Variants in ARMC5 observed in about 807,000 individuals in gnomAD.
ARMC5 encodes the protein armadillo repeat-containing protein 5.
A neutral mutation model predicts 60.5 loss-of-function variants in ARMC5; 28 were observed. The observed-to-expected ratio is 0.46, with a 90% confidence interval of 0.34 to 0.63. The LOEUF (loss-of-function observed/expected upper bound fraction) is 0.63. ARMC5 is among the 30% of genes least tolerant of loss of function. The pLI, the probability that ARMC5 is intolerant of heterozygous loss-of-function variation, is 0.01. For missense variants in ARMC5, 1,189 were observed against 1,304.9 expected (o/e 0.91, Z 1.37); for synonymous variants, 680 against 607.3 (o/e 1.12, Z -1.76).
upstream of ARMC5, chr16:31,458,507 G>C (rs1481569493): frequency 6.5e-7 from 1 of 1,535,698 alleles, no homozygotes; most frequent in East Asian, 2.4e-5. Context: ...CAACGGTAAG[G>C]CTTGTCACCA....
rs537788230 is a variant in ARMC5 at position 31,464,292 on chromosome 16, TAAAAAAAAAAAAA to T, written c.1371-90_1371-78del. On this transcript the variant is annotated intron_variant, in intron 3 of 5. Coordinates refer to ENST00000268314, the MANE Select transcript of ARMC5 (RefSeq NM_001105247.2). This position sits in a 1 kb window ranked among gnomAD's most constrained non-coding sequence, Gnocchi z 7.6. ...GCTATAGAGGGATACCACATTTCTT[TAAAAAAAAAAAAA>T]AAAAAAAAAAAGACGCCTCACGCCT... is the stretch of plus-strand genomic sequence containing the variant. The T allele has an allele frequency of 2.5e-4, 123 of 499,418 alleles. 2 individuals carry two copies. The East Asian group carries it at 3.2e-3, about 13-fold the overall frequency. 30.9% of individuals were successfully genotyped at this position (499,418 alleles called of 1,614,324 possible).
rs1433843572 is a variant in ARMC5, at chr16:31,459,613, A to C, written c.89A>C (p.Glu30Ala). Residue 30 changes from glutamate to alanine, a missense_variant, in exon 1 of 6, where the codon GAA (glutamate) becomes GCA (alanine). Transcript: ENST00000268314. ...AAAAGEALGG[E>A]KDPATNETPL... Reference sequence around the variant, plus strand: ...GCGGCCGGGGAGGCTCTGGGTGGGGAAAAGGACCCAGCGACCAACGAGACA... The same window carrying C: ...GCGGCCGGGGAGGCTCTGGGTGGGGCAAAGGACCCAGCGACCAACGAGACA... The C allele has an allele frequency of 1.0e-5, 16 of 1,595,974 alleles. No homozygotes were observed. The highest frequency in any genetic ancestry group is 1.3e-5 in the African/African-American group (1 of 74,372).
intron 3 of ARMC5, 118 bp downstream of exon 3, chr16:31,463,035 C>A: frequency 9.1e-7 from 1 of 1,099,468 alleles, no homozygotes; most frequent in Non-Finnish European, 1.3e-6. Flanking sequence ...CTTTTATAAC[C>A]CAGACTCCTG....
At chr16:31,465,164 T>G (rs755510915) in intron 4 of ARMC5, 11 of 1,609,870 alleles carry the variant, frequency 6.8e-6, no homozygotes, top group South Asian at 1.1e-5. Context: ...GGTCTGTGCT[T>G]CTTTCCTGGC....
At position 31,459,828 on chromosome 16, in the gene ARMC5, A is replaced by T. The variant is rs1567373646; in HGVS notation, c.304A>T (p.Ser102Cys). The change falls in exon 1 of 6, where the codon AGC becomes TGC. Residue 102 changes from serine to cysteine, a missense_variant. Transcript: ENST00000268314. ...CTCGTCGGCCGCGTCGGGAGCTTCT[A>T]GCCCCGCCCCCGCGTCGGGCCCCGC... ...APSSAASGAS[S>C]PAPASGPAPS... 3 of 1,559,718 alleles carry T rather than the reference A, an allele frequency of 1.9e-6. No homozygotes were observed. Among genetic ancestry groups the T allele is most frequent in the Non-Finnish European group, 2.6e-6 (3 of 1,159,252 alleles).
chr16:31,459,728 C>CCCCCTACTCGCG lies in ARMC5; in HGVS notation c.206_217dup (p.Pro69_Ala72dup). The CCCCCTACTCGCG allele has an allele frequency of 6.4e-7, 1 of 1,556,070 alleles. No individual in the cohort carries two copies. Among genetic ancestry groups the CCCCCTACTCGCG allele is most frequent in the Non-Finnish European group, 8.6e-7 (1 of 1,162,002 alleles). On this transcript the variant is annotated inframe_insertion, in exon 1 of 6. Transcript: ENST00000268314. ...GCTTCCGGGCACGCGGCGGGCTCCG[C>CCCCCTACTCGCG]CCCCTACTCGCGCTGCTACGGCGAG...
In ARMC5 at chr16:31,459,650, C is replaced by T. The variant is rs1301682755; in HGVS notation, c.126C>T (p.Arg42=). 6.3e-7 allele frequency: 1 copy of T among 1,591,022 alleles called. No homozygotes were observed. The highest frequency in any genetic ancestry group is 8.5e-7 in the Non-Finnish European group (1 of 1,176,114). Residue 42 remains arginine, a synonymous_variant, in exon 1 of 6, where the codon CGC becomes CGT. Transcript: ENST00000268314. ...CGACCAACGAGACACCCCTGAGCCG[C>T]GCGCTCCTAGCCCTCCGCACGCGCC... ...DPATNETPLS[R]ALLALRTRHI... is the part of the protein sequence containing the mutation.
Position 31,466,054 on chromosome 16 carries a change from T to G in ARMC5, c.1998-25T>G. ...GTTTCCCAGGCCCGTTGCCCACCTT[T>G]TGAAAGGCCCTCTCTTCCCTGTAGG... On this transcript the variant is annotated intron_variant, in intron 5 of 5. Coordinates refer to ENST00000268314, the MANE Select transcript of ARMC5 (RefSeq NM_001105247.2). This position sits in a 1 kb window ranked among gnomAD's most constrained non-coding sequence, Gnocchi z 8.0. 2 of 1,592,158 alleles carry G rather than the reference T, an allele frequency of 1.3e-6. No homozygotes were observed. The highest frequency in any genetic ancestry group is 1.7e-6 in the Non-Finnish European group (2 of 1,175,530).
chr16:31,459,406 T>C (rs1305847628), upstream of ARMC5: 4 of 1,537,890 alleles, frequency 2.6e-6, no homozygotes, highest in Non-Finnish European at 3.5e-6. Flanking sequence ...CCGACTTGCA[T>C]CACTGCGGTG....
At chr16:31,458,478 G>T, upstream of ARMC5, 1 of 1,535,774 alleles carries the variant, frequency 6.5e-7, no homozygotes, top group African/African-American at 1.4e-5. Context: ...CACATCGGAA[G>T]CTTCTGCCAT....
At chr16:31,463,023 G>A (rs1315749503) in intron 3 of ARMC5, 106 bp downstream of exon 3, 2 of 1,211,586 alleles carry the variant, frequency 1.7e-6, no homozygotes, top group East Asian at 5.2e-5. Flanking sequence ...GTCTGAATAA[G>A]ACTTTTATAA....
Position 31,459,510 on chromosome 16 carries a change from G to A in ARMC5, c.-15G>A, listed in dbSNP as rs2142560904. ...AGCGGCGAGAAGCGGGGCGGAGTCTGAGGCCCGAGCCAAGATGGCGGCTGC... is the reference window on the plus strand; with the variant it reads ...AGCGGCGAGAAGCGGGGCGGAGTCTAAGGCCCGAGCCAAGATGGCGGCTGC... On this transcript the variant is annotated 5_prime_UTR_variant, in exon 1 of 6. Coordinates refer to ENST00000268314, the MANE Select transcript of ARMC5 (RefSeq NM_001105247.2). The A allele has an allele frequency of 6.3e-7, 1 of 1,595,316 alleles. No individual in the cohort carries two copies. The highest frequency in any genetic ancestry group is 8.5e-7 in the Non-Finnish European group (1 of 1,174,158).
intron 4 of ARMC5, 164 bp downstream of exon 4, chr16:31,465,051 C>G: frequency 6.2e-7 from 1 of 1,613,750 alleles, no homozygotes; most frequent in South Asian, 1.1e-5. Context: ...GCGTTCCAGT[C>G]CCTCCATGGG....
rs199693319 is a variant in ARMC5, at chr16:31,459,867, T to C, written c.343T>C (p.Ser115Pro). The C allele has an allele frequency of 3.8e-4, 612 of 1,601,926 alleles. No individual in the cohort carries two copies. The highest frequency in any genetic ancestry group is 3.1e-4 in the Non-Finnish European group (370 of 1,179,126). ...GTCGGGCCCCGCCCCCTCCGCTGTG[T>C]CGTCGTCTAGTCCTACGCCGCCAGT... ...PASGPAPSAV[S>P]SSSPTPPVRL... Residue 115 changes from serine to proline, a missense_variant, in exon 1 of 6, where the codon TCG becomes CCG. By Grantham distance (74) the Ser-to-Pro change is moderately conservative. Transcript: ENST00000268314.
chr16:31,459,436 A>G (rs751528888), upstream of ARMC5: 5 of 1,542,792 alleles, frequency 3.2e-6, no homozygotes, highest in East Asian at 4.8e-5. Context: ...AGCGTCAGCG[A>G]GGCGGTGCCC....
chr16:31,463,048 T>A, intron 3 of ARMC5, 131 bp downstream of exon 3: 1 of 978,492 alleles, frequency 1.0e-6, no homozygotes, highest in South Asian at 1.9e-5. Context: ...GACTCCTGAT[T>A]CCCACACGAC....
In ARMC5 at chr16:31,464,738, G is replaced by A. The variant is rs762231889; in HGVS notation, c.1715G>A (p.Arg572His). ...PSPRALRILSRLTCNPACLEA... is the reference protein window; with the variant it reads ...PSPRALRILSHLTCNPACLEA... ...CCACGTGCACTGCGCATTCTGTCAC[G>A]CCTCACCTGCAACCCTGCCTGCCTC... Residue 572 changes from arginine to histidine, a missense_variant, in exon 4 of 6, where the codon CGC becomes CAC. By Grantham distance (29) the Arg-to-His change is conservative. Transcript: ENST00000268314. This position sits in a 1 kb window ranked among gnomAD's most constrained non-coding sequence, Gnocchi z 7.6. 4 of 1,599,068 alleles carry A rather than the reference G, an allele frequency of 2.5e-6. No homozygotes were observed. Among genetic ancestry groups the A allele is most frequent in the Non-Finnish European group, 3.4e-6 (4 of 1,179,330 alleles).
At chr16:31,458,813 C>T, upstream of ARMC5, 1 of 1,530,708 alleles carries the variant, frequency 6.5e-7, no homozygotes, top group Non-Finnish European at 8.7e-7. Context: ...TCTTCTGGCG[C>T]GGCCGACTGC....
chr16:31,461,223 C>G (rs1263676066), intron 1 of ARMC5, among the ~76,000 whole-genome samples: 1 of 152,094 alleles, frequency 6.6e-6, no homozygotes, highest in Non-Finnish European at 1.5e-5. Flanking sequence ...AGCCTTTTGA[C>G]TCCCCCCTTC....
Sources: gnomAD v4.1 joint callset for allele counts (sites outside exome capture counted in the v4.1 genomes callset) on GRCh38, gnomAD v4.1.1 for gene constraint, Gnocchi (gnomAD v3.1) non-coding constraint, MANE v1.5 for transcripts, NCBI Gene and HGNC (gene_info 2026-07-23, HGNC 2026-07-21) for gene names.